The following P2RX1 variants were observed in gnomAD, a reference collection of about 807,000 sequenced individuals.
The protein encoded by P2RX1 is purinergic receptor P2X 1, also known as P2X purinoceptor 1.
A neutral mutation model predicts 50.3 loss-of-function variants in P2RX1; 42 were observed. The ratio of observed to expected loss-of-function variants is 0.83; its 90% CI spans 0.65 to 1.08. P2RX1 has a LOEUF of 1.08. Ranked by LOEUF, P2RX1 falls within the 50% of genes least tolerant of loss-of-function variation. The probability of loss-of-function intolerance (pLI) is 0.00; values close to 1 mark genes in which losing one functional copy is unlikely to be tolerated. For synonymous variants in P2RX1, 199 were observed against 202.6 expected (o/e 0.98, Z 0.15); for missense variants, 449 against 529.0 (o/e 0.85, Z 1.48).
At chr17:3,904,965 TG>T in intron 2 of P2RX1, 36 bp from the exon 3 acceptor site, 1 of 509,742 alleles carries the variant, frequency 2.0e-6, no homozygotes. Flanking sequence ...TGGGGTGGGC[TG>T]GGAGCTGGGA....
Position 3,915,834 on chromosome 17 carries a change from G to C in P2RX1, c.137+255C>G, listed in dbSNP as rs140575521. 3.2e-5 allele frequency: 20 copies of C among 631,676 alleles called. No individual in the cohort carries two copies. In the African/African-American group the frequency reaches 3.6e-4, roughly 11 times the overall value. 39.1% of individuals were successfully genotyped at this position (631,676 alleles called of 1,614,324 possible). A position where few individuals can be genotyped will look rare whatever the true frequency, so the allele number is the denominator to read the frequency against. On this transcript the variant is annotated intron_variant, in intron 1 of 11. Coordinates refer to ENST00000225538, the MANE Select transcript of P2RX1 (RefSeq NM_002558.4). ...CCACTCAAAGGAACCATAACACTGA[G>C]CCGGCTCCTCAGAACCCAGAGACTC...
chr17:3,912,717 C>G lies in P2RX1; in HGVS notation c.137+3372G>C, dbSNP rs77058570. Among the ~76,000 whole-genome samples, 542 of 152,330 alleles carry G rather than the reference C, an allele frequency of 3.6e-3. 6 individuals are homozygous for G. Among genetic ancestry groups the G allele is most frequent in the African/African-American group, 0.012 (519 of 41,574 alleles). ...AATTCACCCTCAGTTCCTCCCTCTC[C>G]CTCTCTCCATTCCATGTCCCACCTC... On this transcript the variant is annotated intron_variant, in intron 1 of 11. Transcript: ENST00000225538.
chr17:3,898,127 G>A lies in P2RX1; in HGVS notation c.1033-17C>T. ...AACTGTGGCCTGGGGTCAGGGAAGG[G>A]CACGGAGACAGCGTGGGAATCCGGG... On this transcript the variant is annotated splice_polypyrimidine_tract_variant and intron_variant, in intron 10 of 11. Transcript: ENST00000225538. 1 of 1,606,210 alleles carries A rather than the reference G, an allele frequency of 6.2e-7. No homozygotes were observed. The highest frequency in any genetic ancestry group is 8.5e-7 in the Non-Finnish European group (1 of 1,173,304).
intron 7 of P2RX1, among the ~76,000 whole-genome samples, chr17:3,901,644 G>A (rs1318831092): frequency 1.3e-5 from 2 of 152,216 alleles, no homozygotes; most frequent in Non-Finnish European, 2.9e-5. Flanking sequence ...CAAATGTGTC[G>A]TGAGTGGGTT....
At chr17:3,906,182 A>G (rs1215246812) in intron 1 of P2RX1, among the ~76,000 whole-genome samples, 1 of 151,982 alleles carries the variant, frequency 6.6e-6, no homozygotes, top group East Asian at 1.9e-4. Context: ...CCCAGACTGG[A>G]GTACAGCGGC....
At position 3,914,828 on chromosome 17, in the gene P2RX1, C is replaced by A. The variant is rs1467815660; in HGVS notation, c.137+1261G>T. On this transcript the variant is annotated intron_variant, in intron 1 of 11. Transcript: ENST00000225538. This position sits in a 1 kb window ranked among gnomAD's most constrained non-coding sequence, Gnocchi z 4.1. ...ACTGCCCCTCTCTGGGCCTCAGTTTCCCTCACAAGCTCAGACATCACAGAT... is the reference window on the plus strand; with the variant it reads ...ACTGCCCCTCTCTGGGCCTCAGTTTACCTCACAAGCTCAGACATCACAGAT... Among the ~76,000 whole-genome samples, 1 of 152,188 alleles carries A rather than the reference C, an allele frequency of 6.6e-6. No individual in the cohort carries two copies. The highest frequency in any genetic ancestry group is 2.4e-5 in the African/African-American group (1 of 41,458).
At chr17:3,906,012 G>T (rs2056256640) in intron 1 of P2RX1, among the ~76,000 whole-genome samples, 1 of 152,210 alleles carries the variant, frequency 6.6e-6, no homozygotes, top group Admixed American at 6.5e-5. Flanking sequence ...CTGAGAATAT[G>T]GTCTTCAATG....
At chr17:3,898,575 G>C (rs1243694627) in intron 9 of P2RX1, 26 bp from the exon 10 acceptor site, 1 of 1,592,696 alleles carries the variant, frequency 6.3e-7, no homozygotes, top group East Asian at 2.2e-5. Context: ...AGGGAGAGAA[G>C]GGCTAACCGT....
At chr17:3,897,942 C>A in intron 11 of P2RX1, 63 bp from the exon 12 acceptor site, 2 of 1,608,480 alleles carry the variant, frequency 1.2e-6, no homozygotes, top group Non-Finnish European at 1.7e-6. Context: ...CTGCCCACGC[C>A]CCCCACCCCA....
chr17:3,909,152 T>G (rs1206738965), intron 1 of P2RX1, among the ~76,000 whole-genome samples: 1 of 151,976 alleles, frequency 6.6e-6, no homozygotes, highest in African/African-American at 2.4e-5. Context: ...CACCTCAACC[T>G]CCCGAGTAGC....
Position 3,901,269 on chromosome 17 carries a change from G to A in P2RX1, c.748-1508C>T, listed in dbSNP as rs111464539. Among the ~76,000 whole-genome samples, 799 of 152,254 alleles carry A rather than the reference G, an allele frequency of 5.2e-3. 6 individuals carry two copies. The highest frequency in any genetic ancestry group is 0.01 in the South Asian group (50 of 4,834). On this transcript the variant is annotated intron_variant, in intron 7 of 11. Coordinates refer to ENST00000225538, the MANE Select transcript of P2RX1 (RefSeq NM_002558.4). ...TTTTTAGTAGAGACGGGGTTTCACC[G>A]TGTTAGCCAGGATGGTCTCGATCTC...
At chr17:3,904,467 AC>A in intron 3 of P2RX1, 68 bp from the exon 4 acceptor site, 10 of 1,386,098 alleles carry the variant, frequency 7.2e-6, no homozygotes, top group Middle Eastern at 1.9e-4. Context: ...CCCTCTCCCC[AC>A]CCCCCAGGGC....
At chr17:3,898,432 G>A in intron 10 of P2RX1, 52 bp downstream of exon 10, 1 of 1,398,958 alleles carries the variant, frequency 7.1e-7, no homozygotes, top group Non-Finnish European at 1.0e-6. Flanking sequence ...ACTGAATTGT[G>A]GAAGAGGAGG....
chr17:3,905,468 C>A, intron 1 of P2RX1, 101 bp from the exon 2 acceptor site: 1 of 1,367,594 alleles, frequency 7.3e-7, no homozygotes, highest in Non-Finnish European at 1.0e-6. Flanking sequence ...GAGCCACCAT[C>A]TGCTCCTAAA....
chr17:3,910,406 C>T (rs2056343080), intron 1 of P2RX1, among the ~76,000 whole-genome samples: 1 of 152,228 alleles, frequency 6.6e-6, no homozygotes, highest in Non-Finnish European at 1.5e-5. Flanking sequence ...GCTGTCCTCA[C>T]CCTATCACCC....
At position 3,916,410 on chromosome 17, in the gene P2RX1, G is replaced by T; in HGVS notation, c.-185C>A. On this transcript the variant is annotated 5_prime_UTR_variant, in exon 1 of 12. Coordinates refer to ENST00000225538, the MANE Select transcript of P2RX1 (RefSeq NM_002558.4). ...AGGTCAGCTGGAGGCACTTGGGTTG[G>T]AGAGAGAATCCCTGGGTGATCAGAG... 1 of 625,222 alleles carries T rather than the reference G, an allele frequency of 1.6e-6. No individual in the cohort carries two copies. The allele number at this position is 625,222 out of a possible 1,614,324, so 38.7% of individuals were successfully genotyped here.
In P2RX1 at chr17:3,897,624, G is replaced by C; in HGVS notation, c.*190C>G. 1 of 637,108 alleles carries C rather than the reference G, an allele frequency of 1.6e-6. No individual in the cohort carries two copies. The highest frequency in any genetic ancestry group is 2.8e-6 in the Non-Finnish European group (1 of 351,876). The allele number at this position is 637,108 out of a possible 1,614,324, so 39.5% of individuals were successfully genotyped here. A position where few individuals can be genotyped will look rare whatever the true frequency, so the allele number is the denominator to read the frequency against. On this transcript the variant is annotated 3_prime_UTR_variant, in exon 12 of 12. Transcript: ENST00000225538. ...GGGTAGGGCTCCCTCAGGGTGTGTG[G>C]GGTCGGAGCCGGAGCTCAGATTTGC...
At position 3,897,553 on chromosome 17, in the gene P2RX1, G is replaced by C; in HGVS notation, c.*261C>G. 1.7e-6 allele frequency: 1 copy of C among 578,796 alleles called. No individual in the cohort carries two copies. The highest frequency in any genetic ancestry group is 3.1e-6 in the Non-Finnish European group (1 of 322,544). The allele number at this position is 578,796 out of a possible 1,614,324, so 35.9% of individuals were successfully genotyped here. A position where few individuals can be genotyped will look rare whatever the true frequency, so the allele number is the denominator to read the frequency against. On this transcript the variant is annotated 3_prime_UTR_variant, in exon 12 of 12. Transcript: ENST00000225538. The stretch of plus-strand genomic sequence containing the variant: ...AGCTAGGGTGCAGGTGTGTGGGAGG[G>C]TCCTGCCCAGCCCCAGCCATTCCCC...
At chr17:3,902,609 G>A (rs1353753988) in intron 7 of P2RX1, among the ~76,000 whole-genome samples, 3 of 141,132 alleles carry the variant, frequency 2.1e-5, no homozygotes, top group Admixed American at 2.1e-4. Flanking sequence ...TTTTGTTTTT[G>A]TTTTTTTTTT....
Sources: gnomAD v4.1 joint callset for allele counts (sites outside exome capture counted in the v4.1 genomes callset) on GRCh38, gnomAD v4.1.1 for gene constraint, Gnocchi (gnomAD v3.1) non-coding constraint, MANE v1.5 for transcripts, NCBI Gene and HGNC (gene_info 2026-07-23, HGNC 2026-07-21) for gene names.